FHDC1: variants seen among roughly 807,000 people sequenced by gnomAD.
FHDC1 encodes the protein FH2 domain containing 1.
A neutral mutation model predicts 52.6 loss-of-function variants in FHDC1; 25 were observed. That is an observed-to-expected ratio of 0.48 (90% CI 0.35 to 0.66). The LOEUF is 0.66. Ranked by LOEUF, FHDC1 falls within the 30% of genes least tolerant of loss-of-function variation. The probability of loss-of-function intolerance (pLI) is 0.01; values close to 1 mark genes in which losing one functional copy is unlikely to be tolerated. For synonymous variants in FHDC1, 616 were observed against 581.5 expected, an observed-to-expected ratio of 1.06 and a Z score of -0.85; for missense variants, 1,459 against 1,452.8, an observed-to-expected ratio of 1.00 and a Z score of -0.07.
intron 2 of FHDC1, among the ~76,000 whole-genome samples, chr4:152,943,945 A>G (rs1579082372): frequency 6.6e-6 from 1 of 152,334 alleles, no homozygotes; most frequent in East Asian, 1.9e-4. Flanking sequence ...ACTAGAGCTG[A>G]CTGGGGCAGA....
chr4:152,952,874 G>T (rs563386619), intron 2 of FHDC1, among the ~76,000 whole-genome samples: 1 of 152,186 alleles, frequency 6.6e-6, no homozygotes, highest in Non-Finnish European at 1.5e-5. Context: ...ACTCATGGCT[G>T]TAATCCCAGC....
chr4:152,954,513 T>A (rs1740024800), intron 4 of FHDC1, among the ~76,000 whole-genome samples, 194 bp downstream of exon 4: 4 of 151,982 alleles, frequency 2.6e-5, no homozygotes, highest in Admixed American at 2.0e-4. Context: ...ATGATGGAAC[T>A]CTGTCTCTGC....
At chr4:152,953,303 A>G (rs1328075898) in intron 2 of FHDC1, among the ~76,000 whole-genome samples, 196 bp from the exon 3 acceptor site, 1 of 152,228 alleles carries the variant, frequency 6.6e-6, no homozygotes, top group Non-Finnish European at 1.5e-5. Context: ...ATACCACTGT[A>G]GAAAGTTTGG....
At chr4:152,936,960 C>T (rs770444787) in intron 1 of FHDC1, among the ~76,000 whole-genome samples, 1 of 152,248 alleles carries the variant, frequency 6.6e-6, no homozygotes, top group African/African-American at 2.4e-5. Context: ...GACCGAGGAC[C>T]AGGCGCTTCT....
chr4:152,975,277 T>C lies in FHDC1; in HGVS notation c.1986T>C (p.Pro662=). Reference sequence around the variant, plus strand: ...GCCTGGGCTCAGCACAGTCCCCTCCTCTCTCGCCATTGGCTCTGGGAATTA... The same window carrying C: ...GCCTGGGCTCAGCACAGTCCCCTCCCCTCTCGCCATTGGCTCTGGGAATTA... ...PVSLGSAQSP[P]LSPLALGIKE... is the part of the protein sequence containing the mutation. Residue 662 remains proline, a synonymous_variant, in exon 12 of 12, where the codon CCT becomes CCC. Coordinates refer to ENST00000511601, the MANE Select transcript of FHDC1 (RefSeq NM_001371116.1). 2 of 1,613,502 alleles carry C rather than the reference T, an allele frequency of 1.2e-6. No homozygotes were observed. The highest frequency in any genetic ancestry group is 1.7e-6 in the Non-Finnish European group (2 of 1,180,026).
At chr4:152,930,611 A>C in the FHDC1 span, among the ~76,000 whole-genome samples, 11 of 152,322 alleles carry the variant, frequency 7.2e-5, no homozygotes, top group East Asian at 2.1e-3. Context: ...CTTTGTGTCC[A>C]AGGCCAGTCA....
intron 2 of FHDC1, 71 bp downstream of exon 2, chr4:152,943,626 T>C: frequency 6.7e-7 from 1 of 1,486,742 alleles, no homozygotes; most frequent in Non-Finnish European, 9.0e-7. Context: ...GTGTGTACAT[T>C]TCAAATAATT....
chr4:152,942,299 C>T (rs903007339), intron 1 of FHDC1, among the ~76,000 whole-genome samples: 3 of 152,142 alleles, frequency 2.0e-5, no homozygotes, highest in Non-Finnish European at 2.9e-5. Flanking sequence ...AGCAGTAAAG[C>T]TTGATTTAGG....
the FHDC1 span, among the ~76,000 whole-genome samples, chr4:152,923,699 G>A: frequency 2.6e-5 from 4 of 151,972 alleles, no homozygotes; most frequent in African/African-American, 4.8e-5. Flanking sequence ...CAGAAATAAC[G>A]CCGCATATCT....
intron 2 of FHDC1, among the ~76,000 whole-genome samples, chr4:152,945,850 G>A (rs914221927): frequency 5.3e-5 from 8 of 152,074 alleles, no homozygotes; most frequent in African/African-American, 1.7e-4. Context: ...TTCGTGCTGC[G>A]GAACTGAAAC....
chr4:152,915,136 G>C, the FHDC1 span, among the ~76,000 whole-genome samples: 1 of 152,220 alleles, frequency 6.6e-6, no homozygotes, highest in African/African-American at 2.4e-5. Context: ...TCTTTCCTTT[G>C]AGGAATATAT....
At chr4:152,971,627 C>G (rs182060750) in intron 10 of FHDC1, among the ~76,000 whole-genome samples, 3 of 152,286 alleles carry the variant, frequency 2.0e-5, no homozygotes, top group Non-Finnish European at 4.4e-5. Context: ...CTTATTTGTC[C>G]TAGAAGAATT....
intron 4 of FHDC1, among the ~76,000 whole-genome samples, chr4:152,959,714 A>G (rs1006681149): frequency 1.3e-5 from 2 of 152,150 alleles, no homozygotes; most frequent in East Asian, 1.9e-4. Context: ...GGGCTTTTTC[A>G]TCTTTTTCCT....
At position 152,954,220 on chromosome 4, in the gene FHDC1, T is replaced by C; in HGVS notation, c.564T>C (p.Ser188=). ...TGTGATTCATTGTCTTTTCAAGGTC[T>C]CCTCGGTCCATTGTAGAAGATATTC... The part of the protein sequence containing the change: ...IGIFLKQFKK[S]PRSIVEDIHQ... The change falls in exon 4 of 12, where the codon TCT becomes TCC. Residue 188 remains serine, a synonymous_variant. Transcript: ENST00000511601. 6.2e-7 allele frequency: 1 copy of C among 1,613,196 alleles called. No homozygotes were observed. The highest frequency in any genetic ancestry group is 8.5e-7 in the Non-Finnish European group (1 of 1,179,216).
the FHDC1 span, among the ~76,000 whole-genome samples, chr4:152,915,789 A>G: frequency 2.0e-5 from 3 of 152,246 alleles, no homozygotes; most frequent in Admixed American, 6.5e-5. Context: ...GACTATTTCC[A>G]TAATACCAAA....
At chr4:152,938,485 TAAG>T (rs1003468563) in intron 1 of FHDC1, among the ~76,000 whole-genome samples, 3 of 152,198 alleles carry the variant, frequency 2.0e-5, no homozygotes, top group Non-Finnish European at 4.4e-5. Context: ...TTTTGAAAGA[TAAG>T]TGGTGGTGGA....
chr4:152,974,688 G>A lies in FHDC1; in HGVS notation c.1397G>A (p.Arg466Gln), dbSNP rs199943795. 2.1e-5 allele frequency: 31 copies of A among 1,509,180 alleles called. No homozygotes were observed. The highest frequency in any genetic ancestry group is 2.1e-4 in the Middle Eastern group (1 of 4,720). The allele number at this position is 1,509,180 out of a possible 1,614,324, so 93.5% of individuals were successfully genotyped here. ...TCCATCCCTCAGGACAACCACGACC[G>A]GGAGGCGCAGGAGCTGAGGCAGCTG... Reference protein sequence around the residue: ...FNKAVKDNHDREAQELRQLQR... With the variant: ...FNKAVKDNHDQEAQELRQLQR... The change falls in exon 12 of 12, where the codon CGG (arginine) becomes CAG (glutamine). Residue 466 changes from arginine to glutamine, a missense_variant. Physicochemically the swap from Arg to Gln is conservative, Grantham distance 43. Coordinates refer to ENST00000511601, the MANE Select transcript of FHDC1 (RefSeq NM_001371116.1).
the FHDC1 span, among the ~76,000 whole-genome samples, chr4:152,928,983 AAAAG>A: frequency 1.7e-3 from 260 of 152,260 alleles, no homozygotes; most frequent in Admixed American, 4.8e-3. Flanking sequence ...TAGAGAAAAA[AAAAG>A]AAAGTTTATT....
intron 10 of FHDC1, among the ~76,000 whole-genome samples, chr4:152,971,741 A>G (rs1226189454): frequency 1.3e-5 from 2 of 152,218 alleles, no homozygotes; most frequent in Non-Finnish European, 2.9e-5. Context: ...AGAAAATATT[A>G]GTGTTGGGTC....
Sources: gnomAD v4.1 joint callset for allele counts (sites outside exome capture counted in the v4.1 genomes callset) on GRCh38, gnomAD v4.1.1 for gene constraint, MANE v1.5 for transcripts, NCBI Gene and HGNC (gene_info 2026-07-23, HGNC 2026-07-21) for gene names.